EDIL3: variants seen among roughly 807,000 people sequenced by gnomAD.
The protein encoded by EDIL3 is EGF like and discoidin domains 3.
Under a neutral mutation model 67.4 loss-of-function variants are expected in EDIL3, and 37 were observed. That is an observed-to-expected ratio of 0.55 (90% CI 0.42 to 0.72). EDIL3 has a LOEUF of 0.72. Among genes scored for constraint, EDIL3 ranks in the 30% least tolerant of loss-of-function variants. The pLI, the probability that EDIL3 is intolerant of heterozygous loss-of-function variation, is 0.00. For missense variants in EDIL3, 527 were observed against 586.3 expected, an observed-to-expected ratio of 0.90 and a Z score of 1.04; for synonymous variants, 195 against 196.3, an observed-to-expected ratio of 0.99 and a Z score of 0.05.
At chr5:84,342,688 T>G (rs1747139958) in intron 1 of EDIL3, among the ~76,000 whole-genome samples, 1 of 152,060 alleles carries the variant, frequency 6.6e-6, no homozygotes, top group South Asian at 2.1e-4. Flanking sequence ...GGAGTCTTGT[T>G]TTGGCCATGA....
intron 5 of EDIL3, among the ~76,000 whole-genome samples, chr5:84,117,157 A>G (rs1747685264): frequency 6.7e-6 from 1 of 149,698 alleles, no homozygotes; most frequent in Non-Finnish European, 1.5e-5. Flanking sequence ...CCTCCTGAGT[A>G]GCTGGGACTA....
At chr5:84,313,006 C>A (rs1231972314) in intron 1 of EDIL3, among the ~76,000 whole-genome samples, 3 of 152,124 alleles carry the variant, frequency 2.0e-5, no homozygotes, top group Non-Finnish European at 2.9e-5. Context: ...TTTTGAGTGG[C>A]ATTCTGGTCC....
chr5:84,313,483 G>A, intron 1 of EDIL3, among the ~76,000 whole-genome samples: 1 of 152,298 alleles, frequency 6.6e-6, no homozygotes, highest in East Asian at 1.9e-4. Flanking sequence ...TGGAGAACAT[G>A]GATAGAATCC....
At chr5:84,133,239 T>G (rs1337071654) in intron 5 of EDIL3, among the ~76,000 whole-genome samples, 1 of 152,130 alleles carries the variant, frequency 6.6e-6, no homozygotes, top group Non-Finnish European at 1.5e-5. Context: ...TTATCTGTTC[T>G]TATGAGAATA....
intron 9 of EDIL3, among the ~76,000 whole-genome samples, chr5:83,984,859 G>T (rs754829261): frequency 6.6e-6 from 1 of 151,898 alleles, no homozygotes; most frequent in East Asian, 1.9e-4. Context: ...TTGAAGGAGA[G>T]GGGGAATGCA....
At chr5:84,013,750 GATATACAA>G (rs1745554362) in intron 9 of EDIL3, among the ~76,000 whole-genome samples, 1 of 152,104 alleles carries the variant, frequency 6.6e-6, no homozygotes, top group Non-Finnish European at 1.5e-5. Context: ...AATGGTGTAT[GATATACAA>G]ATATACCTCT....
chr5:84,097,169 C>A (rs1454410443), intron 6 of EDIL3, among the ~76,000 whole-genome samples: 1 of 152,124 alleles, frequency 6.6e-6, no homozygotes, highest in Non-Finnish European at 1.5e-5. Flanking sequence ...AACTGTTTTT[C>A]CTCTCACAAA....
chr5:84,006,954 A>G (rs1406783775), intron 9 of EDIL3, among the ~76,000 whole-genome samples: 1 of 152,148 alleles, frequency 6.6e-6, no homozygotes. Context: ...AGACCAATAG[A>G]ATAGAATAGA....
chr5:84,175,480 A>T (rs1270491724), intron 4 of EDIL3, among the ~76,000 whole-genome samples: 1 of 152,206 alleles, frequency 6.6e-6, no homozygotes, highest in African/African-American at 2.4e-5. Context: ...TATGTCCTGA[A>T]ACGCCTCATC....
intron 1 of EDIL3, among the ~76,000 whole-genome samples, chr5:84,382,372 T>G (rs1406560408): frequency 6.6e-6 from 1 of 152,132 alleles, no homozygotes; most frequent in Non-Finnish European, 1.5e-5. Context: ...AGCCGGGACT[T>G]GCCGCGCCCC....
intron 6 of EDIL3, among the ~76,000 whole-genome samples, chr5:84,075,893 CA>C (rs1746845662): frequency 1.2e-4 from 4 of 34,052 alleles, no homozygotes; most frequent in African/African-American, 3.4e-4. Context: ...TGTGCACGCA[CA>C]CACACACACA....
chr5:84,315,342 T>C (rs1261394377), intron 1 of EDIL3, among the ~76,000 whole-genome samples: 1 of 152,174 alleles, frequency 6.6e-6, no homozygotes, highest in Admixed American at 6.6e-5. Context: ...CAACTCTTAA[T>C]TCCTCAGATG....
chr5:84,196,098 T>C (rs567556010), intron 3 of EDIL3, among the ~76,000 whole-genome samples: 4 of 152,062 alleles, frequency 2.6e-5, no homozygotes, highest in Admixed American at 2.6e-4. Context: ...CATTAAGAAA[T>C]GTTGTTGCCT....
At position 84,200,962 on chromosome 5, in the gene EDIL3, T is replaced by C. The variant is rs114809791; in HGVS notation, c.227-20441A>G. On this transcript the variant is annotated intron_variant, in intron 3 of 10. Transcript: ENST00000296591. ...ATACAGATAAGCATACTTATTTTCATAGCAATGTAACTAAGCTAAGGTCAC... is the reference window on the plus strand; with the variant it reads ...ATACAGATAAGCATACTTATTTTCACAGCAATGTAACTAAGCTAAGGTCAC... Among the ~76,000 whole-genome samples, 1,119 of 152,220 alleles carry C rather than the reference T, an allele frequency of 7.4e-3. 11 individuals carry two copies. Among genetic ancestry groups the C allele is most frequent in the African/African-American group, 0.024 (994 of 41,556 alleles).
intron 1 of EDIL3, among the ~76,000 whole-genome samples, chr5:84,324,940 C>A (rs760389531): frequency 9.6e-5 from 14 of 145,220 alleles, no homozygotes; most frequent in East Asian, 2.0e-4. Flanking sequence ...AAAAAAAAAT[C>A]CCTGGTGTCT....
intron 4 of EDIL3, among the ~76,000 whole-genome samples, chr5:84,163,904 C>T (rs887990907): frequency 3.3e-5 from 5 of 152,038 alleles, no homozygotes; most frequent in Admixed American, 6.6e-5. Flanking sequence ...AACTTCTAAA[C>T]GGATTCCATT....
intron 4 of EDIL3, among the ~76,000 whole-genome samples, chr5:84,144,798 C>T (rs533786893): frequency 2.6e-5 from 4 of 152,004 alleles, no homozygotes; most frequent in Non-Finnish European, 5.9e-5. Context: ...AAATTAACTA[C>T]TCTATTCTTT....
chr5:84,199,619 T>C (rs1002246334), intron 3 of EDIL3, among the ~76,000 whole-genome samples: 1 of 152,054 alleles, frequency 6.6e-6, no homozygotes, highest in African/African-American at 2.4e-5. Flanking sequence ...TAACTTTGTT[T>C]CTTTTACCCT....
intron 5 of EDIL3, among the ~76,000 whole-genome samples, chr5:84,132,841 T>C (rs1454034130): frequency 1.3e-5 from 2 of 151,808 alleles, no homozygotes; most frequent in Non-Finnish European, 2.9e-5. Flanking sequence ...TGGATAATTA[T>C]GATATTTGGA....
Sources: allele counts gnomAD v4.1 joint callset (sites outside exome capture counted in the v4.1 genomes callset), GRCh38; gene constraint gnomAD v4.1.1; transcripts MANE v1.5; gene names NCBI Gene and HGNC (gene_info 2026-07-23, HGNC 2026-07-21).